PPIG: variants seen among roughly 807,000 people sequenced by gnomAD.
The protein encoded by PPIG is peptidylprolyl isomerase G.
PPIG carries 26 observed loss-of-function variants against 87.9 expected under a neutral mutation model. That is an observed-to-expected ratio of 0.30 (90% CI 0.22 to 0.41). The LOEUF (loss-of-function observed/expected upper bound fraction) is 0.41, where lower values mean the gene tolerates loss of function less well. PPIG is among the 10% of genes least tolerant of loss of function. The probability of loss-of-function intolerance (pLI) is 1.00; values close to 1 mark genes in which losing one functional copy is unlikely to be tolerated. For missense variants in PPIG, 722 were observed against 879.4 expected (o/e 0.82, Z 2.26); for synonymous variants, 308 against 276.5 (o/e 1.11, Z -1.13).
intron 1 of PPIG, among the ~76,000 whole-genome samples, chr2:169,588,816 C>T (rs929982606): frequency 2.6e-5 from 4 of 151,668 alleles, no homozygotes; most frequent in South Asian, 2.1e-4. Context: ...CAAATTTAGC[C>T]GGGCATGGTG....
At chr2:169,615,496 A>G (rs1157285067) in intron 9 of PPIG, among the ~76,000 whole-genome samples, 3 of 152,210 alleles carry the variant, frequency 2.0e-5, no homozygotes, top group Non-Finnish European at 4.4e-5. Context: ...TCCCATGGGA[A>G]CCACCATTCT....
intron 9 of PPIG, 24 bp downstream of exon 9, chr2:169,614,748 G>T (rs753249263): frequency 4.4e-6 from 7 of 1,583,914 alleles, no homozygotes; most frequent in Non-Finnish European, 6.0e-6. Flanking sequence ...ACATATTTCT[G>T]AGAATACTTA....
At chr2:169,636,323 C>A in intron 13 of PPIG, 90 bp from the exon 14 acceptor site, 2 of 1,468,540 alleles carry the variant, frequency 1.4e-6, no homozygotes, top group Non-Finnish European at 1.8e-6. Flanking sequence ...TTGCTGAATA[C>A]CTTAAGAAAA....
intron 11 of PPIG, among the ~76,000 whole-genome samples, 199 bp from the exon 12 acceptor site, chr2:169,632,961 A>G (rs1312400546): frequency 6.6e-6 from 1 of 150,930 alleles, no homozygotes; most frequent in Admixed American, 6.6e-5. Context: ...TATTTTTAGT[A>G]GAGACTGGGT....
At chr2:169,620,488 GTTGTTTTTTGT>G (rs1182862334) in intron 9 of PPIG, among the ~76,000 whole-genome samples, 11 of 151,604 alleles carry the variant, frequency 7.3e-5, no homozygotes, top group African/African-American at 1.5e-4. Flanking sequence ...TTTTGTTGTT[GTTGTTTTTTGT>G]TTGTTTTTTA....
At chr2:169,629,425 T>G (rs1460203277) in intron 9 of PPIG, among the ~76,000 whole-genome samples, 5 of 152,220 alleles carry the variant, frequency 3.3e-5, no homozygotes, top group Admixed American at 2.6e-4. Context: ...GTTAATTAAT[T>G]TTTTGCTGTG....
intron 9 of PPIG, among the ~76,000 whole-genome samples, chr2:169,626,019 T>C (rs1685870735): frequency 1.3e-5 from 2 of 152,164 alleles, no homozygotes; most frequent in Admixed American, 1.3e-4. Flanking sequence ...GTGACCTGGT[T>C]CCTAACAGGC....
rs146876461 is a variant in PPIG at position 169,584,508 on chromosome 2, C to G, written c.-70+18C>G. ...CGGTGCAGGTAAGTGGTATGAGGCTCAAGTTGTTCTGGCGGCGTCATTTCA... is the reference window on the plus strand; with the variant it reads ...CGGTGCAGGTAAGTGGTATGAGGCTGAAGTTGTTCTGGCGGCGTCATTTCA... On this transcript the variant is annotated intron_variant, in intron 1 of 13. Coordinates refer to ENST00000260970, the MANE Select transcript of PPIG (RefSeq NM_004792.3). The G allele has an allele frequency of 8.5e-6, 4 of 470,350 alleles. No homozygotes were observed. In the East Asian group the frequency reaches 2.8e-4, roughly 33 times the overall value. The allele number at this position is 470,350 out of a possible 1,614,324, so 29.1% of individuals were successfully genotyped here.
chr2:169,633,830 C>T (rs1057263610), intron 12 of PPIG, among the ~76,000 whole-genome samples: 1 of 95,408 alleles, frequency 1.0e-5, no homozygotes, highest in East Asian at 2.4e-4. Flanking sequence ...TTCTTTCCAC[C>T]CCCCCCTTTT....
At chr2:169,633,049 T>C (rs1250089853) in intron 11 of PPIG, 111 bp from the exon 12 acceptor site, 1 of 771,846 alleles carries the variant, frequency 1.3e-6, no homozygotes, top group Admixed American at 2.1e-5. Context: ...GTGCTGGGAT[T>C]ACAGGCATGA....
chr2:169,615,508 C>T (rs541361641), intron 9 of PPIG, among the ~76,000 whole-genome samples: 43 of 152,360 alleles, frequency 2.8e-4, no homozygotes, highest in African/African-American at 9.9e-4. Flanking sequence ...CACCATTCTT[C>T]TCTGTACTTC....
intron 1 of PPIG, among the ~76,000 whole-genome samples, chr2:169,592,750 A>G (rs942218020): frequency 1.3e-5 from 2 of 152,076 alleles, no homozygotes; most frequent in Non-Finnish European, 1.5e-5. Context: ...GTATTATTTA[A>G]TAATCGAGGA....
intron 9 of PPIG, among the ~76,000 whole-genome samples, chr2:169,616,773 A>G (rs1326733883): frequency 6.6e-6 from 1 of 152,210 alleles, no homozygotes; most frequent in Non-Finnish European, 1.5e-5. Context: ...ATAGATAGCA[A>G]AAATGTTCTC....
At chr2:169,593,120 G>A (rs926823297) in intron 1 of PPIG, among the ~76,000 whole-genome samples, 1 of 142,536 alleles carries the variant, frequency 7.0e-6, no homozygotes. Flanking sequence ...TTAGAAGACT[G>A]TGTGTGTATA....
In PPIG at chr2:169,637,613, A is replaced by G. The variant is rs1221335027; in HGVS notation, c.*90A>G. 30 of 1,296,420 alleles carry G rather than the reference A, an allele frequency of 2.3e-5. No homozygotes were observed. The highest frequency in any genetic ancestry group is 2.9e-5 in the Non-Finnish European group (28 of 970,426). The allele number at this position is 1,296,420 out of a possible 1,614,324, so 80.3% of individuals were successfully genotyped here. A position where few individuals can be genotyped will look rare whatever the true frequency, so the allele number is the denominator to read the frequency against. ...TCTCCTTTATGTTGTTTTCCTTTTC[A>G]TTGTTTTTGGATTGTTTTATGTTTG... On this transcript the variant is annotated 3_prime_UTR_variant, in exon 14 of 14. Transcript: ENST00000260970.
chr2:169,616,693 G>A (rs939237340), intron 9 of PPIG, among the ~76,000 whole-genome samples: 1 of 151,520 alleles, frequency 6.6e-6, no homozygotes, highest in Non-Finnish European at 1.5e-5. Flanking sequence ...TTGATGGGGT[G>A]GTTTGTTTTT....
chr2:169,617,416 A>G (rs1251658912), intron 9 of PPIG, among the ~76,000 whole-genome samples: 1 of 152,184 alleles, frequency 6.6e-6, no homozygotes, highest in Non-Finnish European at 1.5e-5. Context: ...TTGTAGCTTG[A>G]TGGAGATAGC....
chr2:169,607,257 C>A, intron 6 of PPIG, 109 bp downstream of exon 6: 1 of 629,950 alleles, frequency 1.6e-6, no homozygotes, highest in Non-Finnish European at 2.6e-6. Context: ...TAATGTCTAG[C>A]TGCCTTCAAC....
intron 9 of PPIG, among the ~76,000 whole-genome samples, chr2:169,615,803 A>G (rs1685595645): frequency 6.6e-6 from 1 of 152,184 alleles, no homozygotes; most frequent in Non-Finnish European, 1.5e-5. Context: ...TTTCCTTTGG[A>G]TATATACCCA....
Sources: allele counts gnomAD v4.1 joint callset (sites outside exome capture counted in the v4.1 genomes callset), GRCh38; gene constraint gnomAD v4.1.1; transcripts MANE v1.5; gene names NCBI Gene and HGNC (gene_info 2026-07-23, HGNC 2026-07-21).